MTMR7: variants seen among roughly 807,000 people sequenced by gnomAD.
The protein encoded by MTMR7 is myotubularin related protein 7, also known as phosphatidylinositol-3-phosphate phosphatase MTMR7.
Under a neutral mutation model 81.2 loss-of-function variants are expected in MTMR7, and 76 were observed. That is an observed-to-expected ratio of 0.94 (90% CI 0.78 to 1.13). The LOEUF is 1.13. Ranked by LOEUF, MTMR7 falls within the 50% of genes most tolerant of loss-of-function variation. The probability of loss-of-function intolerance (pLI) is 0.00; values close to 1 mark genes in which losing one functional copy is unlikely to be tolerated. For synonymous variants in MTMR7, 372 were observed against 289.8 expected (o/e 1.28, Z -2.88); for missense variants, 1,044 against 820.0 (o/e 1.27, Z -3.34).
chr8:17,311,657 A>C (rs1486701001), intron 8 of MTMR7, 21 bp from the exon 9 acceptor site: 1 of 1,613,838 alleles, frequency 6.2e-7, no homozygotes, highest in African/African-American at 1.3e-5. Context: ...CACGATCCGC[A>C]AAGAGTCACA....
chr8:17,406,801 A>T (rs544372422), intron 1 of MTMR7, among the ~76,000 whole-genome samples: 1 of 152,230 alleles, frequency 6.6e-6, no homozygotes, highest in African/African-American at 2.4e-5. Flanking sequence ...GAAATGAAGT[A>T]CTGATACATG....
Position 17,341,392 on chromosome 8 carries a change from A to T in MTMR7, c.703T>A (p.Phe235Ile), listed in dbSNP as rs751891186. Residue 235 changes from phenylalanine to isoleucine, a missense_variant, in exon 6 of 14, where the codon TTC becomes ATC. By Grantham distance (21) the Phe-to-Ile change is conservative. Coordinates refer to ENST00000180173, the MANE Select transcript of MTMR7 (RefSeq NM_004686.5). ...GGCCGGGTGTCAACGACATAAACGA[A>T]GTCACTTCCTGGATTGGCTTTCCTA... ...AIRKANPGSD[F>I]VYVVDTRPKL... The T allele has an allele frequency of 1.9e-6, 3 of 1,614,180 alleles. No homozygotes were observed. Among genetic ancestry groups the T allele is most frequent in the Admixed American group, 3.3e-5 (2 of 60,026 alleles).
intron 1 of MTMR7, among the ~76,000 whole-genome samples, chr8:17,399,976 A>T (rs147219866): frequency 6.9e-4 from 104 of 151,502 alleles, no homozygotes; most frequent in East Asian, 6.4e-3. Context: ...TTCTGGTTCC[A>T]TTTCTATATA....
At chr8:17,323,931 T>A (rs889642343) in intron 7 of MTMR7, among the ~76,000 whole-genome samples, 2 of 152,182 alleles carry the variant, frequency 1.3e-5, no homozygotes, top group Non-Finnish European at 2.9e-5. Context: ...AGGTGAACAT[T>A]TTAAAATTAA....
In MTMR7 at chr8:17,300,127, T is replaced by C; in HGVS notation, c.1718A>G (p.Asn573Ser). Reference protein sequence around the residue: ...SKHSGFSTSDNSIANTPQDYS... With the variant: ...SKHSGFSTSDSSIANTPQDYS... ...ATCCTGGGGAGTGTTGGCTATGCTGTTGTCTGAGGTAGAAAACCCTGAGTG... is the reference window on the plus strand; with the variant it reads ...ATCCTGGGGAGTGTTGGCTATGCTGCTGTCTGAGGTAGAAAACCCTGAGTG... Residue 573 changes from asparagine to serine, a missense_variant, in exon 14 of 14, where the codon AAC becomes AGC. By Grantham distance (46) the Asn-to-Ser change is conservative (BLOSUM62 1). Transcript: ENST00000180173. The C allele has an allele frequency of 6.2e-7, 1 of 1,614,158 alleles. No individual in the cohort carries two copies. Among genetic ancestry groups the C allele is most frequent in the Non-Finnish European group, 8.5e-7 (1 of 1,180,016 alleles).
intron 5 of MTMR7, among the ~76,000 whole-genome samples, chr8:17,343,060 T>C: frequency 6.6e-6 from 1 of 152,154 alleles, no homozygotes; most frequent in Admixed American, 6.5e-5. Flanking sequence ...GTCTGCCACC[T>C]GCTCAGAGGG....
At chr8:17,394,510 G>C (rs1585119216) in intron 1 of MTMR7, among the ~76,000 whole-genome samples, 1 of 152,112 alleles carries the variant, frequency 6.6e-6, no homozygotes, top group South Asian at 2.1e-4. Flanking sequence ...CAAATCTCTA[G>C]AGATTGTCCA....
intron 4 of MTMR7, among the ~76,000 whole-genome samples, chr8:17,357,777 T>C (rs1020167314): frequency 2.0e-5 from 3 of 152,202 alleles, no homozygotes; most frequent in Non-Finnish European, 2.9e-5. Context: ...GGAAGGAACA[T>C]CTGGGAAATT....
At chr8:17,341,609 G>A (rs1040289509) in intron 5 of MTMR7, 112 bp from the exon 6 acceptor site, 47 of 1,328,430 alleles carry the variant, frequency 3.5e-5, no homozygotes, top group South Asian at 7.2e-5. Flanking sequence ...AGTCCACCTC[G>A]GCTTATGAAA....
chr8:17,386,896 T>C (rs896200842), intron 1 of MTMR7, among the ~76,000 whole-genome samples: 1 of 151,538 alleles, frequency 6.6e-6, no homozygotes, highest in African/African-American at 2.4e-5. Flanking sequence ...CCTGGGAGAG[T>C]GGATGATGGG....
rs770637345 is a variant in MTMR7 at position 17,309,337 on chromosome 8, AAG to A, written c.1102-13_1102-12del. 2 of 1,535,392 alleles carry A rather than the reference AAG, an allele frequency of 1.3e-6. No individual in the cohort carries two copies. The highest frequency in any genetic ancestry group is 1.7e-5 in the Admixed American group (1 of 57,422). The stretch of plus-strand genomic sequence containing the variant: ...CTTTTCAATTAATACCTACACAAGA[AAG>A]AATACAAATATCTTGGAGAGAAGCA... On this transcript the variant is annotated splice_polypyrimidine_tract_variant and intron_variant, in intron 9 of 13. Coordinates refer to ENST00000180173, the MANE Select transcript of MTMR7 (RefSeq NM_004686.5).
intron 3 of MTMR7, among the ~76,000 whole-genome samples, chr8:17,368,717 T>C (rs1165650193): frequency 6.6e-6 from 1 of 152,200 alleles, no homozygotes; most frequent in Non-Finnish European, 1.5e-5. Context: ...TGTGATCTGT[T>C]TCACCTTCCA....
chr8:17,309,650 T>C (rs2150481927), intron 9 of MTMR7, among the ~76,000 whole-genome samples: 1 of 152,310 alleles, frequency 6.6e-6, no homozygotes, highest in East Asian at 1.9e-4. Flanking sequence ...CTCACTCTTT[T>C]AGAAGGGGAA....
At chr8:17,308,777 CAG>C (rs1177795093) in intron 10 of MTMR7, among the ~76,000 whole-genome samples, 3 of 152,164 alleles carry the variant, frequency 2.0e-5, no homozygotes, top group Admixed American at 6.5e-5. Flanking sequence ...CAAGGCCAGA[CAG>C]TGAATATCAT....
At chr8:17,405,171 T>C (rs1254759277) in intron 1 of MTMR7, among the ~76,000 whole-genome samples, 2 of 152,200 alleles carry the variant, frequency 1.3e-5, no homozygotes, top group Non-Finnish European at 2.9e-5. Context: ...TTTATTATAG[T>C]GACAATATAG....
At chr8:17,336,804 G>A (rs950589067) in intron 6 of MTMR7, among the ~76,000 whole-genome samples, 5 of 152,168 alleles carry the variant, frequency 3.3e-5, no homozygotes, top group Admixed American at 2.0e-4. Flanking sequence ...CTCTGGCCTC[G>A]TCAGGCGTGT....
intron 7 of MTMR7, among the ~76,000 whole-genome samples, chr8:17,318,455 A>C (rs1273852044): frequency 2.0e-5 from 3 of 152,140 alleles, no homozygotes; most frequent in Non-Finnish European, 2.9e-5. Flanking sequence ...ATGATAGAAC[A>C]GTCATCTGGA....
chr8:17,402,402 C>T lies in MTMR7; in HGVS notation c.24+10867G>A, dbSNP rs137953352. Among the ~76,000 whole-genome samples the T allele has an allele frequency of 5.5e-3, 835 of 152,234 alleles. 8 individuals carry two copies. Among genetic ancestry groups the T allele is most frequent in the South Asian group, 0.018 (88 of 4,818 alleles). On this transcript the variant is annotated intron_variant, in intron 1 of 13. Transcript: ENST00000180173. ...TTGCCACTATCCGCCCTCACCTGCC[C>T]CAGACCCCACTACCTTCCCCAGCCT... is the stretch of plus-strand genomic sequence containing the variant.
intron 4 of MTMR7, among the ~76,000 whole-genome samples, chr8:17,360,206 G>A (rs1415862791): frequency 6.6e-6 from 1 of 152,098 alleles, no homozygotes; most frequent in Non-Finnish European, 1.5e-5. Context: ...TGTTATATAT[G>A]TTTAAATAGG....
Sources: gnomAD v4.1 joint callset for allele counts (sites outside exome capture counted in the v4.1 genomes callset) on GRCh38, gnomAD v4.1.1 for gene constraint, MANE v1.5 for transcripts, NCBI Gene and HGNC (gene_info 2026-07-23, HGNC 2026-07-21) for gene names.